Variants in NTM observed in about 807,000 individuals in gnomAD.
The protein encoded by NTM is IgLON family member 2.
NTM carries 13 observed loss-of-function variants against 42.1 expected under a neutral mutation model. The ratio of observed to expected loss-of-function variants is 0.31; its 90% CI spans 0.20 to 0.49. The LOEUF is 0.49. Among genes scored for constraint, NTM ranks in the 20% least tolerant of loss-of-function variants. The pLI, the probability that NTM is intolerant of heterozygous loss-of-function variation, is 0.99. For missense variants in NTM, 373 were observed against 452.8 expected (o/e 0.82, Z 1.60); for synonymous variants, 187 against 179.2 (o/e 1.04, Z -0.35).
chr11:131,700,887 G>A (rs1441276417), intron 1 of NTM, among the ~76,000 whole-genome samples: 2 of 152,200 alleles, frequency 1.3e-5, no homozygotes, highest in African/African-American at 4.8e-5. Flanking sequence ...GTAGCATCAT[G>A]TAGTGGCTGC....
chr11:131,782,675 T>C (rs974696877), intron 1 of NTM, among the ~76,000 whole-genome samples: 18 of 152,148 alleles, frequency 1.2e-4, no homozygotes, highest in Admixed American at 3.9e-4. Context: ...ATCCTAGGAA[T>C]TCAAGGTTGG....
At chr11:131,382,134 T>C (rs569328878) in intron 1 of NTM, among the ~76,000 whole-genome samples, 44 of 152,320 alleles carry the variant, frequency 2.9e-4, no homozygotes, top group Non-Finnish European at 5.7e-4. Context: ...TATGGTCATA[T>C]ACTGCGGTTC....
intron 1 of NTM, among the ~76,000 whole-genome samples, chr11:131,392,304 T>G: frequency 6.8e-6 from 1 of 147,910 alleles, no homozygotes; most frequent in African/African-American, 2.5e-5. Flanking sequence ...CCTGAAGGGA[T>G]GGTAGTCCTG....
chr11:131,947,772 G>A (rs2060506610), intron 2 of NTM, among the ~76,000 whole-genome samples: 1 of 152,136 alleles, frequency 6.6e-6, no homozygotes, highest in African/African-American at 2.4e-5. Context: ...AGTCAGATCT[G>A]AATGTGAGTG....
At chr11:132,036,398 G>A (rs1331355871) in intron 2 of NTM, among the ~76,000 whole-genome samples, 1 of 152,164 alleles carries the variant, frequency 6.6e-6, no homozygotes, top group Non-Finnish European at 1.5e-5. Flanking sequence ...ACTCAGCGAG[G>A]AGATGACAAT....
chr11:132,247,626 A>G (rs1237576539), intron 4 of NTM, among the ~76,000 whole-genome samples: 1 of 152,136 alleles, frequency 6.6e-6, no homozygotes. Flanking sequence ...ATATCATCAA[A>G]AGGAAGTATG....
chr11:131,475,000 C>A (rs1384049252), intron 1 of NTM, among the ~76,000 whole-genome samples: 1 of 152,204 alleles, frequency 6.6e-6, no homozygotes, highest in African/African-American at 2.4e-5. Flanking sequence ...ATAACAATGT[C>A]ATGCCACTTG....
intron 1 of NTM, among the ~76,000 whole-genome samples, chr11:131,640,810 C>T (rs1161110539): frequency 1.3e-5 from 2 of 152,162 alleles, no homozygotes; most frequent in Non-Finnish European, 2.9e-5. Context: ...TCTTCCTAGG[C>T]CATTTGGGAT....
intron 2 of NTM, among the ~76,000 whole-genome samples, chr11:132,136,430 T>C (rs2067931102): frequency 6.6e-6 from 1 of 152,174 alleles, no homozygotes; most frequent in South Asian, 2.1e-4. Context: ...CCTCTGGAGT[T>C]CTAGTTGTAT....
At chr11:132,014,225 T>G (rs981521409) in intron 2 of NTM, among the ~76,000 whole-genome samples, 4 of 152,158 alleles carry the variant, frequency 2.6e-5, no homozygotes, top group African/African-American at 9.6e-5. Flanking sequence ...CATTTGTTTT[T>G]ATAGCTGAAT....
At chr11:131,643,051 GA>G (rs34377077) in intron 1 of NTM, among the ~76,000 whole-genome samples, 28,279 of 131,940 alleles carry the variant, frequency 0.21, 2,803 homozygotes, top group South Asian at 0.27. Flanking sequence ...GAAAAAGAAT[GA>G]AAAAAAAAAA....
At chr11:131,600,153 C>G (rs960952763) in intron 1 of NTM, among the ~76,000 whole-genome samples, 1 of 152,160 alleles carries the variant, frequency 6.6e-6, no homozygotes, top group Non-Finnish European at 1.5e-5. Flanking sequence ...GACCCTCCTC[C>G]CAGCAGCCCT....
intron 1 of NTM, among the ~76,000 whole-genome samples, chr11:131,871,769 C>A (rs1300501907): frequency 6.6e-6 from 1 of 152,154 alleles, no homozygotes; most frequent in African/African-American, 2.4e-5. Context: ...CTGCCCTGGG[C>A]TCCCTGGGGA....
At chr11:131,697,940 A>G (rs2075650582) in intron 1 of NTM, among the ~76,000 whole-genome samples, 1 of 152,046 alleles carries the variant, frequency 6.6e-6, no homozygotes, top group Admixed American at 6.5e-5. Context: ...TTCCTCCAAA[A>G]ATAGTTCTAT....
intron 3 of NTM, among the ~76,000 whole-genome samples, chr11:132,170,355 C>A (rs1367571761): frequency 6.6e-6 from 1 of 152,136 alleles, no homozygotes; most frequent in East Asian, 1.9e-4. Flanking sequence ...TAGGGAGTAT[C>A]TACCATTTAT....
At chr11:131,667,678 A>G (rs577955501) in intron 1 of NTM, among the ~76,000 whole-genome samples, 2 of 152,232 alleles carry the variant, frequency 1.3e-5, no homozygotes, top group African/African-American at 2.4e-5. Context: ...CTCAACAGGA[A>G]TAGCCCAGGA....
chr11:131,718,985 T>C (rs913449326), intron 1 of NTM, among the ~76,000 whole-genome samples: 8 of 152,162 alleles, frequency 5.3e-5, no homozygotes, highest in Admixed American at 1.3e-4. Context: ...CCACTGCTTA[T>C]AGCAGCCTCA....
intron 1 of NTM, among the ~76,000 whole-genome samples, chr11:131,382,333 C>T (rs1208482677): frequency 6.6e-6 from 1 of 152,144 alleles, no homozygotes; most frequent in Non-Finnish European, 1.5e-5. Flanking sequence ...GAGAAGGATG[C>T]TTGTAGGTCA....
In NTM at chr11:131,849,827, G is replaced by C. The variant is rs183073409; in HGVS notation, c.83-61737G>C. Among the ~76,000 whole-genome samples the C allele has an allele frequency of 1.4e-4, 20 of 142,962 alleles. No homozygotes were observed. In the East Asian group the frequency reaches 1.7e-3, roughly 12 times the overall value. 93.8% of individuals were successfully genotyped at this position (142,962 alleles called of 152,430 possible). On this transcript the variant is annotated intron_variant, in intron 1 of 8. Transcript: ENST00000683400. ...CACACACCGGGGACTGTTGTGGGGT[G>C]GGGGGCGGGGGGAGGGATAGCATTA...
Sources: allele counts gnomAD v4.1 joint callset (sites outside exome capture counted in the v4.1 genomes callset), GRCh38; gene constraint gnomAD v4.1.1; transcripts MANE v1.5; gene names NCBI Gene and HGNC (gene_info 2026-07-23, HGNC 2026-07-21).